The following HYAL4 variants were observed in gnomAD, a reference collection of about 807,000 sequenced individuals.
HYAL4 encodes hyaluronidase-4.
Under a neutral mutation model 35.2 loss-of-function variants are expected in HYAL4, and 37 were observed. The observed-to-expected ratio is 1.05, with a 90% CI of 0.81 to 1.38. The LOEUF (loss-of-function observed/expected upper bound fraction) is 1.38. Ranked by LOEUF, HYAL4 falls within the 40% of genes most tolerant of loss-of-function variation. The probability of loss-of-function intolerance (pLI) is 0.00; values close to 1 mark genes in which losing one functional copy is unlikely to be tolerated. For missense variants in HYAL4, 572 were observed against 572.4 expected (o/e 1.00, Z 0.01); for synonymous variants, 198 against 203.2 (o/e 0.97, Z 0.22).
the HYAL4 span, among the ~76,000 whole-genome samples, chr7:123,798,389 A>AAG: frequency 1.4e-3 from 215 of 151,390 alleles, no homozygotes; most frequent in African/African-American, 4.9e-3. Context: ...GCTTCATTTA[A>AAG]AGAGAGAGAG....
intron 1 of HYAL4, among the ~76,000 whole-genome samples, chr7:123,837,953 A>G (rs1253840307): frequency 6.6e-6 from 1 of 151,918 alleles, no homozygotes; most frequent in African/African-American, 2.4e-5. Flanking sequence ...AGTCATTGCT[A>G]TTGTGAATAG....
At chr7:123,827,538 C>T (rs1237582387), upstream of HYAL4, among the ~76,000 whole-genome samples, 1 of 152,042 alleles carries the variant, frequency 6.6e-6, no homozygotes, top group Admixed American at 6.6e-5. Flanking sequence ...TTAGAAACCT[C>T]CTCAGATGCC....
intron 2 of HYAL4, among the ~76,000 whole-genome samples, chr7:123,857,661 C>CTTTCTTTG (rs761753757): frequency 3.4e-5 from 3 of 88,282 alleles, no homozygotes; most frequent in Admixed American, 1.2e-4. Flanking sequence ...TTGTTTCTTT[C>CTTTCTTTG]TTTGTTTGTT....
the HYAL4 span, among the ~76,000 whole-genome samples, chr7:123,787,282 C>T: frequency 1.3e-5 from 2 of 151,888 alleles, no homozygotes; most frequent in Non-Finnish European, 2.9e-5. Flanking sequence ...CCCATGTTGT[C>T]ATGAAAGAAA....
chr7:123,849,458 G>A (rs1806252293), intron 2 of HYAL4, among the ~76,000 whole-genome samples: 2 of 151,618 alleles, frequency 1.3e-5, no homozygotes, highest in Admixed American at 6.6e-5. Flanking sequence ...CCACCACCAC[G>A]TCTGGCTAAT....
the HYAL4 span, among the ~76,000 whole-genome samples, chr7:123,800,599 A>G: frequency 2.6e-5 from 4 of 151,962 alleles, no homozygotes; most frequent in African/African-American, 9.7e-5. Context: ...TTGCATCTTT[A>G]ACAATTCCAT....
intron 2 of HYAL4, among the ~76,000 whole-genome samples, chr7:123,866,260 T>A (rs1373700668): frequency 6.6e-6 from 1 of 152,216 alleles, no homozygotes; most frequent in East Asian, 1.9e-4. Context: ...ATTATGGGCA[T>A]CAGGTTCAGA....
chr7:123,812,223 T>C, the HYAL4 span, among the ~76,000 whole-genome samples: 19 of 152,132 alleles, frequency 1.2e-4, no homozygotes, highest in Non-Finnish European at 2.5e-4. Context: ...CTGAAACATA[T>C]CAGATTTGTT....
the HYAL4 span, among the ~76,000 whole-genome samples, chr7:123,806,952 C>T: frequency 6.6e-6 from 1 of 152,080 alleles, no homozygotes; most frequent in Non-Finnish European, 1.5e-5. Context: ...CCTAGTTATT[C>T]CACAGGAAGT....
chr7:123,785,511 T>C, the HYAL4 span, among the ~76,000 whole-genome samples: 1 of 152,230 alleles, frequency 6.6e-6, no homozygotes, highest in African/African-American at 2.4e-5. This position sits in a 1 kb window ranked among gnomAD's most constrained non-coding sequence, Gnocchi z 4.5. Context: ...CTCAATGTTC[T>C]ACTTATTTAC....
the HYAL4 span, among the ~76,000 whole-genome samples, chr7:123,785,133 C>T: frequency 2.0e-5 from 3 of 152,172 alleles, no homozygotes; most frequent in Non-Finnish European, 2.9e-5. The surrounding 1 kb of genome is among the most constrained non-coding windows in gnomAD (Gnocchi z 4.5). Context: ...GGCATGATCA[C>T]GGTTCACTGC....
At chr7:123,835,178 T>C (rs895875137) in intron 1 of HYAL4, among the ~76,000 whole-genome samples, 2 of 152,074 alleles carry the variant, frequency 1.3e-5, no homozygotes, top group African/African-American at 4.8e-5. Context: ...TTGACTATCT[T>C]GTAGAATTCA....
At chr7:123,842,057 C>T (rs1322184305), upstream of HYAL4, among the ~76,000 whole-genome samples, 2 of 151,810 alleles carry the variant, frequency 1.3e-5, no homozygotes, top group Non-Finnish European at 2.9e-5. Context: ...TGTGTTTGCT[C>T]TTGCTTCTCT....
intron 3 of HYAL4, among the ~76,000 whole-genome samples, chr7:123,871,401 A>C (rs1479016695): frequency 6.6e-6 from 1 of 152,058 alleles, no homozygotes; most frequent in Non-Finnish European, 1.5e-5. Context: ...CGTGTTGGCC[A>C]GGCTGGTTTC....
chr7:123,842,416 A>G (rs564991890), upstream of HYAL4, among the ~76,000 whole-genome samples: 16 of 152,104 alleles, frequency 1.1e-4, 1 homozygote, highest in South Asian at 3.1e-3. Context: ...TTTACTTCCA[A>G]TTATGTGGTC....
chr7:123,875,406 C>T (rs1048140878), intron 4 of HYAL4, among the ~76,000 whole-genome samples: 3 of 152,008 alleles, frequency 2.0e-5, no homozygotes, highest in Non-Finnish European at 2.9e-5. Context: ...TGGCTCATGC[C>T]TGTAATTCCT....
chr7:123,848,827 A>G (rs1341971724), intron 2 of HYAL4, among the ~76,000 whole-genome samples: 1 of 152,232 alleles, frequency 6.6e-6, no homozygotes, highest in African/African-American at 2.4e-5. Context: ...GGAAGCATGC[A>G]ACATTTAAAA....
At chr7:123,784,674 T>A in the HYAL4 span, among the ~76,000 whole-genome samples, 16 of 152,366 alleles carry the variant, frequency 1.1e-4, no homozygotes, top group Middle Eastern at 3.4e-3. Flanking sequence ...TTTCATTGTG[T>A]GTGTTTTGCT....
the HYAL4 span, among the ~76,000 whole-genome samples, chr7:123,770,075 T>G: frequency 3.3e-5 from 5 of 152,028 alleles, no homozygotes; most frequent in African/African-American, 1.2e-4. Context: ...AAATAAATAT[T>G]CCTTTATAAA....
Sources: allele counts gnomAD v4.1 joint callset (sites outside exome capture counted in the v4.1 genomes callset), GRCh38; gene constraint gnomAD v4.1.1; non-coding constraint Gnocchi (gnomAD v3.1); transcripts MANE v1.5; gene names NCBI Gene and HGNC (gene_info 2026-07-23, HGNC 2026-07-21).